ENPP1: variants seen among roughly 807,000 people sequenced by gnomAD.
The protein encoded by ENPP1 is ectonucleotide pyrophosphatase/phosphodiesterase 1, also known as ectonucleotide pyrophosphatase/phosphodiesterase family member 1.
Under a neutral mutation model 122.8 loss-of-function variants are expected in ENPP1, and 73 were observed. The observed-to-expected ratio is 0.59, with a 90% CI of 0.49 to 0.72. ENPP1 has a LOEUF of 0.72. Ranked by LOEUF, ENPP1 falls within the 30% of genes least tolerant of loss-of-function variation. The pLI is 0.00. For missense variants in ENPP1, 978 were observed against 1,128.1 expected (o/e 0.87, Z 1.91); for synonymous variants, 367 against 391.6 (o/e 0.94, Z 0.74).
rs1424732517 is a variant in ENPP1 at position 131,820,098 on chromosome 6, C to A, written c.240+11823C>A. 3 of 464,116 alleles carry A rather than the reference C, an allele frequency of 6.5e-6. No individual in the cohort carries two copies. The East Asian group carries it at 1.5e-4, about 24-fold the overall frequency. 28.7% of individuals were successfully genotyped at this position (464,116 alleles called of 1,614,324 possible). A position where few individuals can be genotyped will look rare whatever the true frequency, so the allele number is the denominator to read the frequency against. On this transcript the variant is annotated intron_variant, in intron 1 of 24. Coordinates refer to ENST00000647893, the MANE Select transcript of ENPP1 (RefSeq NM_006208.3). ...CATTTGCGATGTAAACCATCTTGCCCCCCTTCCCTGCTTCGGAGCGACTGG... is the reference window on the plus strand; with the variant it reads ...CATTTGCGATGTAAACCATCTTGCCACCCTTCCCTGCTTCGGAGCGACTGG...
chr6:131,816,177 C>G (rs992714340), intron 1 of ENPP1, among the ~76,000 whole-genome samples: 1 of 152,038 alleles, frequency 6.6e-6, no homozygotes, highest in East Asian at 1.9e-4. Context: ...AAATGTATTT[C>G]ATCTATATTG....
chr6:131,825,974 C>T (rs895865065), intron 1 of ENPP1: 2 of 599,052 alleles, frequency 3.3e-6, no homozygotes, highest in African/African-American at 1.8e-5. Context: ...TGAGTCTCTT[C>T]ATTAGGTCAA....
chr6:131,879,992 C>T lies in ENPP1; in HGVS notation c.2058C>T (p.Asp686=), dbSNP rs1782280795. 5 of 1,614,092 alleles carry T rather than the reference C, an allele frequency of 3.1e-6. No individual in the cohort carries two copies. Among genetic ancestry groups the T allele is most frequent in the Non-Finnish European group, 4.2e-6 (5 of 1,179,948 alleles). ...QHQFMSGYSQ[D]ILMPLWTSYT... is the part of the protein sequence containing the mutation. ...AGTTTATGAGTGGATACAGCCAAGA[C>T]ATCTTAATGCCCCTTTGGACATCCT... Residue 686 remains aspartate (D), a synonymous_variant, in exon 20 of 25, where the codon GAC becomes GAT. Coordinates refer to ENST00000647893, the MANE Select transcript of ENPP1 (RefSeq NM_006208.3).
chr6:131,854,869 T>C, intron 5 of ENPP1, 57 bp from the exon 6 acceptor site: 26 of 1,214,846 alleles, frequency 2.1e-5, no homozygotes, highest in Middle Eastern at 1.9e-4. Flanking sequence ...TACATCTTCA[T>C]TGGATATGTC....
intron 1 of ENPP1, among the ~76,000 whole-genome samples, chr6:131,813,337 A>G (rs1781377011): frequency 1.3e-5 from 2 of 151,826 alleles, no homozygotes. Flanking sequence ...AAACCCCTTC[A>G]AAAAAAGGGT....
chr6:131,875,636 C>G (rs1166974016), intron 16 of ENPP1, 140 bp from the exon 17 acceptor site: 1 of 701,080 alleles, frequency 1.4e-6, no homozygotes, highest in Admixed American at 2.1e-5. Context: ...ATATTTCCCA[C>G]AAAGTCCACT....
Position 131,891,390 on chromosome 6 carries a change from C to T in ENPP1, c.*879C>T, listed in dbSNP as rs1413612676. 6.6e-6 allele frequency: 1 copy of T among 152,114 alleles called. No individual in the cohort carries two copies. The highest frequency in any genetic ancestry group is 2.4e-5 in the African/African-American group (1 of 41,432). 9.4% of individuals were successfully genotyped at this position (152,114 alleles called of 1,614,324 possible). A position where few individuals can be genotyped will look rare whatever the true frequency, so the allele number is the denominator to read the frequency against. On this transcript the variant is annotated 3_prime_UTR_variant, in exon 25 of 25. Coordinates refer to ENST00000647893, the MANE Select transcript of ENPP1 (RefSeq NM_006208.3). Reference sequence around the variant, plus strand: ...TGCTTAGAATGTTTCTTTCTGTGCACAAGACTTACCCTACCAGCAGCAGAG... The same window carrying T: ...TGCTTAGAATGTTTCTTTCTGTGCATAAGACTTACCCTACCAGCAGCAGAG...
intron 1 of ENPP1, among the ~76,000 whole-genome samples, chr6:131,835,276 T>C (rs961804963): frequency 1.3e-5 from 2 of 152,160 alleles, no homozygotes; most frequent in South Asian, 4.1e-4. Context: ...CCTTTCCTTC[T>C]AAAAAAATTA....
intron 1 of ENPP1, among the ~76,000 whole-genome samples, chr6:131,815,060 A>G (rs1453110480): frequency 6.6e-6 from 1 of 152,220 alleles, no homozygotes; most frequent in African/African-American, 2.4e-5. Context: ...CTTGGGTATA[A>G]ATTCAGGGGT....
intron 22 of ENPP1, among the ~76,000 whole-genome samples, chr6:131,884,060 C>T (rs770025982): frequency 2.0e-5 from 3 of 152,196 alleles, no homozygotes; most frequent in Non-Finnish European, 4.4e-5. Flanking sequence ...TATTAACTTT[C>T]ATTCGGCTTC....
chr6:131,823,107 T>C (rs1781502249), intron 1 of ENPP1, among the ~76,000 whole-genome samples: 1 of 152,238 alleles, frequency 6.6e-6, no homozygotes, highest in Non-Finnish European at 1.5e-5. Flanking sequence ...ATGTGTTCAG[T>C]CATTTATGAG....
chr6:131,864,039 C>T (rs1303701860), intron 9 of ENPP1, among the ~76,000 whole-genome samples: 1 of 152,098 alleles, frequency 6.6e-6, no homozygotes, highest in African/African-American at 2.4e-5. Context: ...GGGGCAAGAA[C>T]TCTGATTAGA....
chr6:131,811,491 T>C (rs958244615), intron 1 of ENPP1, among the ~76,000 whole-genome samples: 2 of 151,962 alleles, frequency 1.3e-5, no homozygotes, highest in Admixed American at 1.3e-4. Flanking sequence ...GGAGCATAGA[T>C]TCAAGTTGCC....
intron 11 of ENPP1, 45 bp downstream of exon 11, chr6:131,864,983 C>A: frequency 8.5e-7 from 1 of 1,179,334 alleles, no homozygotes; most frequent in South Asian, 1.2e-5. Flanking sequence ...ACCCAGTCAT[C>A]AAACTGAACC....
rs931464926 is a variant in ENPP1 at position 131,867,913 on chromosome 6, T to G, written c.1165-105T>G. ...TATCTATCTGTCTGTCTTTCTTTCT[T>G]TCTTTGTTTCTTTCTTTTTTTTTTT... On this transcript the variant is annotated intron_variant, in intron 11 of 24. Transcript: ENST00000647893. The G allele has an allele frequency of 7.3e-5, 59 of 810,664 alleles. No homozygotes were observed. In the African/African-American group the frequency reaches 9.2e-4, roughly 13 times the overall value. 50.2% of individuals were successfully genotyped at this position (810,664 alleles called of 1,614,324 possible).
intron 1 of ENPP1, among the ~76,000 whole-genome samples, chr6:131,840,422 A>T (rs548248662): frequency 2.6e-5 from 4 of 152,390 alleles, no homozygotes; most frequent in African/African-American, 9.6e-5. Flanking sequence ...GCTGTCGTAC[A>T]GTTGACAAAC....
intron 1 of ENPP1, among the ~76,000 whole-genome samples, chr6:131,838,186 T>C (rs1781700044): frequency 6.6e-6 from 1 of 152,120 alleles, no homozygotes; most frequent in Non-Finnish European, 1.5e-5. Context: ...ATAAGACAGA[T>C]TCACTTCAAA....
intron 1 of ENPP1, among the ~76,000 whole-genome samples, chr6:131,818,546 G>A (rs1781445640): frequency 6.6e-6 from 1 of 151,966 alleles, no homozygotes; most frequent in African/African-American, 2.4e-5. Flanking sequence ...TCCTTGGGAG[G>A]CTGAGGCAGG....
At position 131,866,363 on chromosome 6, in the gene ENPP1, A is replaced by T. The variant is rs567134486; in HGVS notation, c.1164+1425A>T. Among the ~76,000 whole-genome samples, 5 of 152,332 alleles carry T rather than the reference A, an allele frequency of 3.3e-5. No individual in the cohort carries two copies. In the South Asian group the frequency reaches 1.0e-3, roughly 32 times the overall value. ...CTCTTCAGCACAGCGTTCAGACTAA[A>T]GCCTGGCCTGACATGTCTGTCATGG... On this transcript the variant is annotated intron_variant, in intron 11 of 24. Coordinates refer to ENST00000647893, the MANE Select transcript of ENPP1 (RefSeq NM_006208.3).
Sources: gnomAD v4.1 joint callset for allele counts (sites outside exome capture counted in the v4.1 genomes callset) on GRCh38, gnomAD v4.1.1 for gene constraint, MANE v1.5 for transcripts, NCBI Gene and HGNC (gene_info 2026-07-23, HGNC 2026-07-21) for gene names.